The following C2orf81 variants were observed in gnomAD, a reference collection of about 807,000 sequenced individuals.
The protein encoded by C2orf81 is uncharacterized protein C2orf81.
Under a neutral mutation model 7.9 loss-of-function variants are expected in C2orf81, and 5 were observed. The observed-to-expected ratio is 0.63, with a 90% CI of 0.33 to 1.33. The LOEUF (loss-of-function observed/expected upper bound fraction) is 1.33, where lower values mean the gene tolerates loss of function less well. Among genes scored for constraint, C2orf81 ranks in the 40% most tolerant of loss-of-function variants. C2orf81 has a pLI of 0.05. For missense variants in C2orf81, 781 were observed against 830.4 expected (o/e 0.94, Z 0.73); for synonymous variants, 346 against 367.4 (o/e 0.94, Z 0.66).
chr2:74,414,554 T>C lies in C2orf81; in HGVS notation c.1623A>G (p.Arg541=). The change falls in exon 3 of 3, where the codon AGA becomes AGG. Residue 541 remains arginine (R), a synonymous_variant. Transcript: ENST00000684111. This position sits in a 1 kb window ranked among gnomAD's most constrained non-coding sequence, Gnocchi z 5.3. ...GGACCGGGGGTGTGGTTCGAGGCCA[T>C]CTGCCAGGATCCTGGCCCTCCCTGT... The part of the protein sequence containing the change: ...LADREGQDPG[R]WPRTTPPVLE... The C allele has an allele frequency of 2.6e-6, 4 of 1,540,750 alleles. No homozygotes were observed. Among genetic ancestry groups the C allele is most frequent in the Non-Finnish European group, 3.5e-6 (4 of 1,139,380 alleles).
At position 74,416,214 on chromosome 2, in the gene C2orf81, C is replaced by T; in HGVS notation, c.46G>A (p.Gly16Arg). 2 of 1,403,834 alleles carry T rather than the reference C, an allele frequency of 1.4e-6. No homozygotes were observed. Among genetic ancestry groups the T allele is most frequent in the Non-Finnish European group, 9.5e-7 (1 of 1,057,428 alleles). The allele number at this position is 1,403,834 out of a possible 1,614,324, so 87.0% of individuals were successfully genotyped here. ...TTTTCCGCCTTGGACCGGGTCACCC[C>T]GCGGTCTCGGACCTGCCTCTCCTGC... Reference protein sequence around the residue: ...SRQERQVRDRGVTRSKAEKVR... With the variant: ...SRQERQVRDRRVTRSKAEKVR... Residue 16 changes from glycine to arginine, a missense_variant, in exon 2 of 3, where the codon GGG becomes AGG. Coordinates refer to ENST00000684111, the MANE Select transcript of C2orf81 (RefSeq NM_001316764.3).
intron 1 of C2orf81, chr2:74,418,001 G>A: frequency 2.0e-6 from 1 of 488,838 alleles, no homozygotes; most frequent in East Asian, 4.6e-5. Context: ...GGTGGTGAAG[G>A]TGCAGGTGGA....
rs1364541922 is a variant in C2orf81, at chr2:74,418,597, G to A, written c.19-2356C>T. The A allele has an allele frequency of 1.9e-5, 12 of 633,146 alleles. No individual in the cohort carries two copies. The East Asian group carries it at 2.5e-4, about 13-fold the overall frequency. The allele number at this position is 633,146 out of a possible 1,614,324, so 39.2% of individuals were successfully genotyped here. ...CGCAGCCGCCCCTGGTCGCAAATGC[G>A]GATGCCTTCCTGGAGCCGCGCCAGC... On this transcript the variant is annotated intron_variant, in intron 1 of 2. Transcript: ENST00000684111.
intron 1 of C2orf81, among the ~76,000 whole-genome samples, chr2:74,421,256 C>T (rs1188951313): frequency 6.6e-6 from 1 of 152,222 alleles, no homozygotes; most frequent in Non-Finnish European, 1.5e-5. Context: ...AAGAGACTTA[C>T]TACATTCATT....
intron 1 of C2orf81, among the ~76,000 whole-genome samples, chr2:74,419,575 C>T (rs970176166): frequency 1.3e-5 from 2 of 152,204 alleles, no homozygotes; most frequent in Admixed American, 6.5e-5. Context: ...ACTTCCTCAA[C>T]CCTGCAATTT....
intron 1 of C2orf81, chr2:74,418,270 C>T: frequency 5.0e-6 from 8 of 1,605,324 alleles, no homozygotes; most frequent in Admixed American, 3.4e-5. Flanking sequence ...TGGTCGGCCC[C>T]GAGGTCTCTT....
chr2:74,421,505 C>A, intron 1 of C2orf81, 38 bp downstream of exon 1: 1 of 376,872 alleles, frequency 2.7e-6, no homozygotes, highest in Non-Finnish European at 4.8e-6. Flanking sequence ...AACGGCCGAC[C>A]CTGGCTCTGG....
Position 74,415,430 on chromosome 2 carries a change from G to T in C2orf81, c.747C>A (p.Gly249=). Residue 249 remains glycine (G), a synonymous_variant, in exon 3 of 3, where the codon GGC becomes GGA. Coordinates refer to ENST00000684111, the MANE Select transcript of C2orf81 (RefSeq NM_001316764.3). The surrounding 1 kb of genome is among the most constrained non-coding windows in gnomAD (Gnocchi z 5.5). ...CGCTCAAGGACCCGGCCGAGGAGAG[G>T]CCTCTAGACTGGCCGTCCGCTTCCT... The part of the protein sequence containing the change: ...PVEEADGQSR[G]LSSAGSLSAS... 2 of 1,530,960 alleles carry T rather than the reference G, an allele frequency of 1.3e-6. No homozygotes were observed. The highest frequency in any genetic ancestry group is 1.2e-5 in the South Asian group (1 of 82,812). The allele number at this position is 1,530,960 out of a possible 1,614,324, so 94.8% of individuals were successfully genotyped here. A position where few individuals can be genotyped will look rare whatever the true frequency, so the allele number is the denominator to read the frequency against.
chr2:74,421,616 C>T lies in C2orf81; in HGVS notation c.-56G>A. On this transcript the variant is annotated 5_prime_UTR_variant, in exon 1 of 3. Coordinates refer to ENST00000684111, the MANE Select transcript of C2orf81 (RefSeq NM_001316764.3). ...TCTGCTGCATCCGGGCCGCGTAAGC[C>T]ACCTAACAGTCGCCTGGGCAACCAC... 2 of 433,338 alleles carry T rather than the reference C, an allele frequency of 4.6e-6. No homozygotes were observed. The highest frequency in any genetic ancestry group is 3.6e-5 in the East Asian group (1 of 28,136). 26.8% of individuals were successfully genotyped at this position (433,338 alleles called of 1,614,324 possible). A position where few individuals can be genotyped will look rare whatever the true frequency, so the allele number is the denominator to read the frequency against.
chr2:74,415,324 G>C lies in C2orf81; in HGVS notation c.853C>G (p.Gln285Glu), dbSNP rs1307442094. Reference protein sequence around the residue: ...SLDPYLVASPQASTGRGHPLG... With the variant: ...SLDPYLVASPEASTGRGHPLG... ...GGGTGTCCCCTCCCAGTTGAGGCCT[G>C]GGGGCTGGCTACCAGGTACGGATCC... is the stretch of plus-strand genomic sequence containing the variant. The change falls in exon 3 of 3, where the codon CAG becomes GAG. Residue 285 changes from glutamine to glutamate, a missense_variant. By Grantham distance (29) the Gln-to-Glu change is conservative (BLOSUM62 2). Transcript: ENST00000684111. The surrounding 1 kb of genome is among the most constrained non-coding windows in gnomAD (Gnocchi z 5.5). 1 of 1,544,100 alleles carries C rather than the reference G, an allele frequency of 6.5e-7. No individual in the cohort carries two copies. The highest frequency in any genetic ancestry group is 2.0e-5 in the Admixed American group (1 of 50,184).
In C2orf81 at chr2:74,414,225, GA is replaced by G. The variant is rs1429810938; in HGVS notation, c.*103del. 3 of 1,169,314 alleles carry G rather than the reference GA, an allele frequency of 2.6e-6. No individual in the cohort carries two copies. In the African/African-American group the frequency reaches 4.7e-5, roughly 18 times the overall value. The allele number at this position is 1,169,314 out of a possible 1,614,324, so 72.4% of individuals were successfully genotyped here. A position where few individuals can be genotyped will look rare whatever the true frequency, so the allele number is the denominator to read the frequency against. On this transcript the variant is annotated 3_prime_UTR_variant, in exon 3 of 3. Transcript: ENST00000684111. The surrounding 1 kb of genome is among the most constrained non-coding windows in gnomAD (Gnocchi z 5.3). ...TTTATTTCTGGCTAGCAGAGGGAGG[GA>G]CCAGTTACTACTGCCAGAGGCTCAG...
In C2orf81 at chr2:74,421,617, A is replaced by G; in HGVS notation, c.-57T>C. On this transcript the variant is annotated 5_prime_UTR_variant, in exon 1 of 3. Coordinates refer to ENST00000684111, the MANE Select transcript of C2orf81 (RefSeq NM_001316764.3). The stretch of plus-strand genomic sequence containing the variant: ...CTGCTGCATCCGGGCCGCGTAAGCC[A>G]CCTAACAGTCGCCTGGGCAACCACG... The G allele has an allele frequency of 2.3e-6, 1 of 438,836 alleles. No homozygotes were observed. The highest frequency in any genetic ancestry group is 4.1e-6 in the Non-Finnish European group (1 of 244,976). 27.2% of individuals were successfully genotyped at this position (438,836 alleles called of 1,614,324 possible). A position where few individuals can be genotyped will look rare whatever the true frequency, so the allele number is the denominator to read the frequency against.
In C2orf81 at chr2:74,416,082, C is replaced by T; in HGVS notation, c.178G>A (p.Val60Ile). 6.5e-7 allele frequency: 1 copy of T among 1,546,800 alleles called. No individual in the cohort carries two copies. Among genetic ancestry groups the T allele is most frequent in the Non-Finnish European group, 8.7e-7 (1 of 1,144,646 alleles). ...AGCAAGTCGGCCAAGATGTCCCCTACGACGTCCTCGCCCTCCTCGAGGGCT... is the reference window on the plus strand; with the variant it reads ...AGCAAGTCGGCCAAGATGTCCCCTATGACGTCCTCGCCCTCCTCGAGGGCT... The part of the protein sequence containing the change: ...LTALEEGEDV[V>I]GDILADLLAR... The change falls in exon 2 of 3, where the codon GTA becomes ATA. Residue 60 changes from valine (V) to isoleucine (I), a missense_variant. Physicochemically the swap from Val to Ile is conservative, Grantham distance 29. Coordinates refer to ENST00000684111, the MANE Select transcript of C2orf81 (RefSeq NM_001316764.3).
Position 74,414,733 on chromosome 2 carries a change from T to A in C2orf81, c.1444A>T (p.Thr482Ser), listed in dbSNP as rs1676392053. The change falls in exon 3 of 3, where the codon ACA becomes TCA. Residue 482 changes from threonine to serine, a missense_variant. By Grantham distance (58) the Thr-to-Ser change is moderately conservative (BLOSUM62 1). Coordinates refer to ENST00000684111, the MANE Select transcript of C2orf81 (RefSeq NM_001316764.3). The surrounding 1 kb of genome is among the most constrained non-coding windows in gnomAD (Gnocchi z 5.3). ...LPNSRIRFLT[T>S]HPVLPDVARS... ...GCCACATCAGGGAGCACCGGGTGTG[T>A]GGTGAGGAAGCGGATCCTGGAGTTT... The A allele has an allele frequency of 6.5e-7, 1 of 1,549,064 alleles. No individual in the cohort carries two copies. The highest frequency in any genetic ancestry group is 8.7e-7 in the Non-Finnish European group (1 of 1,145,538).
Position 74,414,204 on chromosome 2 carries a change from T to C in C2orf81, c.*125A>G, listed in dbSNP as rs1676371958. Reference sequence around the variant, plus strand: ...GTTCCTAAGGCAACTCAGGTGTTTATTTCTGGCTAGCAGAGGGAGGGACCA... The same window carrying C: ...GTTCCTAAGGCAACTCAGGTGTTTACTTCTGGCTAGCAGAGGGAGGGACCA... On this transcript the variant is annotated 3_prime_UTR_variant, in exon 3 of 3. Transcript: ENST00000684111. The surrounding 1 kb of genome is among the most constrained non-coding windows in gnomAD (Gnocchi z 5.3). 2.0e-6 allele frequency: 2 copies of C among 995,606 alleles called. No homozygotes were observed. Among genetic ancestry groups the C allele is most frequent in the East Asian group, 5.8e-5 (2 of 34,430 alleles). The allele number at this position is 995,606 out of a possible 1,614,324, so 61.7% of individuals were successfully genotyped here.
chr2:74,418,386 G>C, intron 1 of C2orf81: 1 of 1,591,748 alleles, frequency 6.3e-7, no homozygotes, highest in South Asian at 1.1e-5. Context: ...TCTCAGTGCC[G>C]TCCTTTTTCT....
At chr2:74,420,274 T>C (rs1432712456) in intron 1 of C2orf81, among the ~76,000 whole-genome samples, 1 of 151,722 alleles carries the variant, frequency 6.6e-6, no homozygotes, top group Non-Finnish European at 1.5e-5. Flanking sequence ...GTTTGTTTCC[T>C]TTTGTAATCA....
At chr2:74,416,281 G>A in intron 1 of C2orf81, 40 bp from the exon 2 acceptor site, 1 of 1,281,972 alleles carries the variant, frequency 7.8e-7, no homozygotes, top group Non-Finnish European at 1.0e-6. Context: ...AGGAAACCAA[G>A]AAGTGGAACG....
At chr2:74,421,505 C>G (rs1332822597) in intron 1 of C2orf81, 38 bp downstream of exon 1, 1 of 376,754 alleles carries the variant, frequency 2.7e-6, no homozygotes, top group Non-Finnish European at 4.8e-6. Flanking sequence ...AACGGCCGAC[C>G]CTGGCTCTGG....
Sources: gnomAD v4.1 joint callset for allele counts (sites outside exome capture counted in the v4.1 genomes callset) on GRCh38, gnomAD v4.1.1 for gene constraint, Gnocchi (gnomAD v3.1) non-coding constraint, MANE v1.5 for transcripts, NCBI Gene and HGNC (gene_info 2026-07-23, HGNC 2026-07-21) for gene names.